ASPM: variants seen among roughly 807,000 people sequenced by gnomAD.
The protein encoded by ASPM is assembly factor for spindle microtubules, also known as abnormal spindle-like microcephaly-associated protein.
ASPM carries 256 observed loss-of-function variants against 366.4 expected under a neutral mutation model. The ratio of observed to expected loss-of-function variants is 0.70; its 90% CI spans 0.63 to 0.77. The LOEUF (loss-of-function observed/expected upper bound fraction) is 0.77. Among genes scored for constraint, ASPM ranks in the 30% least tolerant of loss-of-function variants. The probability of loss-of-function intolerance (pLI) is 0.00; values close to 1 mark genes in which losing one functional copy is unlikely to be tolerated. For synonymous variants in ASPM, 1,414 were observed against 1,342.9 expected, an observed-to-expected ratio of 1.05 and a Z score of -1.16; for missense variants, 4,146 against 4,090.4, an observed-to-expected ratio of 1.01 and a Z score of -0.37.
chr1:197,097,620 G>A (rs1657019969), intron 18 of ASPM, among the ~76,000 whole-genome samples: 1 of 151,616 alleles, frequency 6.6e-6, no homozygotes, highest in African/African-American at 2.4e-5. Context: ...ATTGTATACG[G>A]TTTTTATGTA....
intron 16 of ASPM, among the ~76,000 whole-genome samples, chr1:197,120,920 A>G (rs1657889181): frequency 6.6e-6 from 1 of 152,178 alleles, no homozygotes; most frequent in South Asian, 2.1e-4. Context: ...GGGGAAAAGA[A>G]AATTATTTCA....
At chr1:197,139,174 G>T in intron 4 of ASPM, 1 of 956,572 alleles carries the variant, frequency 1.0e-6, no homozygotes, top group South Asian at 1.3e-5. Context: ...AGCATATCTT[G>T]GAGCTTAACG....
chr1:197,121,073 G>T (rs1287505084), intron 16 of ASPM, among the ~76,000 whole-genome samples: 1 of 152,054 alleles, frequency 6.6e-6, no homozygotes, highest in African/African-American at 2.4e-5. Context: ...AATATTGGGT[G>T]GAATGTATTT....
chr1:197,102,227 G>A lies in ASPM; in HGVS notation c.7024C>T (p.Gln2342Ter). The A allele has an allele frequency of 6.2e-7, 1 of 1,612,716 alleles. No homozygotes were observed. The highest frequency in any genetic ancestry group is 8.5e-7 in the Non-Finnish European group (1 of 1,179,260). ...REMHRAATFI[Q>*]STFRMHRLHM... is the part of the protein sequence containing the mutation. ...AATCTGTGCATTCTGAAAGTAGACT[G>A]GATGAAAGTAGCAGCCCTGTGCATC... Residue 2342 changes from glutamine to a stop codon, truncating the protein, a stop_gained, in exon 18 of 28, where the codon CAG becomes TAG. Coordinates refer to ENST00000367409, the MANE Select transcript of ASPM (RefSeq NM_018136.5). LOFTEE classifies it high-confidence loss of function.
At chr1:197,087,838 A>T (rs1656646303) in intron 26 of ASPM, among the ~76,000 whole-genome samples, 1 of 152,174 alleles carries the variant, frequency 6.6e-6, no homozygotes, top group Non-Finnish European at 1.5e-5. Flanking sequence ...TTACCAGGAT[A>T]AAGGCCACAG....
chr1:197,140,393 G>A (rs1416000832), intron 3 of ASPM, among the ~76,000 whole-genome samples: 2 of 152,188 alleles, frequency 1.3e-5, no homozygotes, highest in African/African-American at 4.8e-5. Flanking sequence ...GTAGGGAGGA[G>A]TTCAATAATA....
In ASPM at chr1:197,139,802, T is replaced by A; in HGVS notation, c.1991A>T (p.Gln664Leu). The change falls in exon 4 of 28, where the codon CAG (glutamine) becomes CTG (leucine). Residue 664 changes from glutamine (Q) to leucine (L), a missense_variant. Gln to Leu is a moderately radical substitution (Grantham distance 113). Transcript: ENST00000367409. ...TGGTTTTATGAAGGTCAAACTGGAC[T>A]GTGCCACAGCGATAATGGGTTTTGT... is the stretch of plus-strand genomic sequence containing the variant. The part of the protein sequence containing the change: ...KRTKPIIAVA[Q>L]SSLTFIKPLK... 1.9e-6 allele frequency: 3 copies of A among 1,612,168 alleles called. No individual in the cohort carries two copies. Among genetic ancestry groups the A allele is most frequent in the Admixed American group, 3.3e-5 (2 of 60,022 alleles).
chr1:197,110,770 T>C (rs1431151758), intron 17 of ASPM, among the ~76,000 whole-genome samples: 1 of 151,814 alleles, frequency 6.6e-6, no homozygotes, highest in Non-Finnish European at 1.5e-5. Flanking sequence ...ACTACACAAA[T>C]AGAAAAGGGT....
rs79668807 is a variant in ASPM, at chr1:197,131,375, A to T, written c.2487+910T>A. 6.8e-4 allele frequency among the ~76,000 whole-genome samples: 104 copies of T among 152,314 alleles called. 1 individual carries two copies. In the East Asian group the frequency reaches 0.02, roughly 29 times the overall value. On this transcript the variant is annotated intron_variant, in intron 7 of 27. Coordinates refer to ENST00000367409, the MANE Select transcript of ASPM (RefSeq NM_018136.5). The stretch of plus-strand genomic sequence containing the variant: ...CGCACAAAAGATACTTTTAATAAAA[A>T]TGTCTTTAAACAGCCAATTACTAAT...
intron 10 of ASPM, 66 bp from the exon 11 acceptor site, chr1:197,125,257 AAT>A: frequency 3.8e-6 from 6 of 1,561,118 alleles, no homozygotes; most frequent in Non-Finnish European, 4.4e-6. Context: ...CCTTCACTGA[AAT>A]ATAGTTATTT....
chr1:197,137,119 C>T (rs4556392), intron 4 of ASPM, among the ~76,000 whole-genome samples: 115,972 of 152,126 alleles, frequency 0.76, 48,510 homozygotes, highest in East Asian at 0.98. Context: ...ATTTTAATAA[C>T]ATTGGATTAA....
Position 197,101,984 on chromosome 1 carries a change from C to T in ASPM, c.7267G>A (p.Val2423Met). ...TTGAGGGAAATGAATCTTCTCCTCA[C>T]CAGTAATGATCTAAACCTACTCTGA... ...LIQSRFRSLL[V>M]RRRFISLKKA... is the part of the protein sequence containing the mutation. Residue 2423 changes from valine (V) to methionine (M), a missense_variant, in exon 18 of 28, where the codon GTG becomes ATG. This residue lies in a region of ASPM where 3,624 missense variants were observed against 3,591.7 expected (regional missense o/e 1.01). Transcript: ENST00000367409. 1 of 1,612,792 alleles carries T rather than the reference C, an allele frequency of 6.2e-7. No individual in the cohort carries two copies. The highest frequency in any genetic ancestry group is 8.5e-7 in the Non-Finnish European group (1 of 1,179,272).
In ASPM at chr1:197,102,420, C is replaced by G. The variant is rs145495268; in HGVS notation, c.6831G>C (p.Met2277Ile). The change falls in exon 18 of 28, where the codon ATG becomes ATC. Residue 2277 changes from methionine to isoleucine, a missense_variant. Met to Ile is a conservative substitution (Grantham distance 10). Transcript: ENST00000367409. ...TGAGAGAGAGGAATCTTCTTCTCAT[C>G]ATTAGAGTTCTAAATCTCCTCTGAA... ...TLIQRRFRTL[M>I]MRRRFLSLKK... 20 of 1,612,578 alleles carry G rather than the reference C, an allele frequency of 1.2e-5. No individual in the cohort carries two copies. In the East Asian group the frequency reaches 4.0e-4, roughly 32 times the overall value.
intron 13 of ASPM, 52 bp downstream of exon 13, chr1:197,124,058 A>C: frequency 6.8e-7 from 1 of 1,478,206 alleles, no homozygotes; most frequent in Admixed American, 1.8e-5. Context: ...AGTGACTTTC[A>C]TCAAAATTTA....
intron 18 of ASPM, among the ~76,000 whole-genome samples, chr1:197,098,204 A>T (rs902904974): frequency 6.8e-6 from 1 of 146,466 alleles, no homozygotes; most frequent in Non-Finnish European, 1.5e-5. Context: ...TATATATATA[A>T]AACATACATA....
rs1047951554 is a variant in ASPM at position 197,142,601 on chromosome 1, T to C, written c.1651A>G (p.Ile551Val). 22 of 1,613,190 alleles carry C rather than the reference T, an allele frequency of 1.4e-5. No homozygotes were observed. Among genetic ancestry groups the C allele is most frequent in the Non-Finnish European group, 1.9e-5 (22 of 1,179,186 alleles). The change falls in exon 3 of 28, where the codon ATA (isoleucine) becomes GTA (valine). Residue 551 changes from isoleucine to valine, a missense_variant. This residue lies in a region of ASPM where 3,624 missense variants were observed against 3,591.7 expected (regional missense o/e 1.01). Transcript: ENST00000367409. ...FHSYLPIIDPILSKSKSYKNE... is the reference protein window; with the variant it reads ...FHSYLPIIDPVLSKSKSYKNE... The stretch of plus-strand genomic sequence containing the variant: ...TTATAACTCTTAGATTTACTTAATA[T>C]TGGATCTATAATTGGAAGATAAGAA...
intron 17 of ASPM, among the ~76,000 whole-genome samples, chr1:197,115,466 G>A (rs1000773194): frequency 4.6e-5 from 7 of 152,046 alleles, no homozygotes; most frequent in Admixed American, 1.3e-4. Context: ...TGTTTTTGAT[G>A]GCACCTAAAA....
At chr1:197,115,523 A>G (rs1657714284) in intron 17 of ASPM, among the ~76,000 whole-genome samples, 1 of 152,184 alleles carries the variant, frequency 6.6e-6, no homozygotes, top group Non-Finnish European at 1.5e-5. Context: ...ACCCAGACCC[A>G]TCAAAGGAAT....
chr1:197,133,568 A>G lies in ASPM; in HGVS notation c.2201T>C (p.Ile734Thr). 6.2e-7 allele frequency: 1 copy of G among 1,613,504 alleles called. No individual in the cohort carries two copies. ...AACACTTATTTTATGTTGATTCTCT[A>G]TTCCCAAAAGAAGAGTAGCAGCATT... ...EVNAATLLLGIENQHKISVPR... is the reference protein window; with the variant it reads ...EVNAATLLLGTENQHKISVPR... The change falls in exon 6 of 28, where the codon ATA (isoleucine) becomes ACA (threonine). Residue 734 changes from isoleucine to threonine, a missense_variant. By Grantham distance (89) the Ile-to-Thr change is moderately conservative (BLOSUM62 -1). Around this residue, in one of 3 missense-constraint regions of ASPM, gnomAD observed 3,624 missense variants for 3,591.7 expected, o/e 1.01. Coordinates refer to ENST00000367409, the MANE Select transcript of ASPM (RefSeq NM_018136.5).
Sources: gnomAD v4.1 joint callset for allele counts (sites outside exome capture counted in the v4.1 genomes callset) on GRCh38, gnomAD v4.1.1 for gene constraint, gnomAD v4.1.1 regional missense constraint, MANE v1.5 for transcripts, NCBI Gene and HGNC (gene_info 2026-07-23, HGNC 2026-07-21) for gene names.